LPP: variants seen among roughly 807,000 people sequenced by gnomAD.
LPP encodes LIM domain containing preferred translocation partner in lipoma, also known as lipoma-preferred partner.
A neutral mutation model predicts 60.4 loss-of-function variants in LPP; 38 were observed. The observed-to-expected ratio is 0.63, with a 90% CI of 0.49 to 0.83. The LOEUF (loss-of-function observed/expected upper bound fraction) is 0.83, where lower values mean the gene tolerates loss of function less well. Ranked by LOEUF, LPP falls within the 40% of genes least tolerant of loss-of-function variation. The pLI is 0.00. For missense variants in LPP, 902 were observed against 783.6 expected (o/e 1.15, Z -1.80); for synonymous variants, 328 against 290.8 (o/e 1.13, Z -1.30).
chr3:188,882,929 A>G lies in LPP; in HGVS notation c.*8450A>G, dbSNP rs1578130455. ...AATTTTTTTTGTACTTTTAGTAGAG[A>G]CGGGGTTTCACCGTGGTCTCGATCT... On this transcript the variant is annotated 3_prime_UTR_variant, in exon 12 of 12. Coordinates refer to ENST00000617246, the MANE Select transcript of LPP (RefSeq NM_001375462.1). 1 of 182,596 alleles carries G rather than the reference A, an allele frequency of 5.5e-6. No homozygotes were observed. The highest frequency in any genetic ancestry group is 9.0e-5 in the East Asian group (1 of 11,120). The allele number at this position is 182,596 out of a possible 1,614,324, so 11.3% of individuals were successfully genotyped here. A position where few individuals can be genotyped will look rare whatever the true frequency, so the allele number is the denominator to read the frequency against.
chr3:188,542,322 C>T (rs949242729), intron 6 of LPP, among the ~76,000 whole-genome samples: 28 of 152,204 alleles, frequency 1.8e-4, no homozygotes, highest in African/African-American at 6.3e-4. Context: ...TTTGCATTCT[C>T]ATCCCAGTTG....
At chr3:188,752,074 A>T (rs985704041) in intron 8 of LPP, among the ~76,000 whole-genome samples, 5 of 152,180 alleles carry the variant, frequency 3.3e-5, no homozygotes, top group African/African-American at 1.2e-4. Context: ...TTGAAGTTGA[A>T]CTATATACTT....
At chr3:188,689,899 A>T (rs994451903) in intron 7 of LPP, among the ~76,000 whole-genome samples, 2 of 148,966 alleles carry the variant, frequency 1.3e-5, no homozygotes, top group Non-Finnish European at 3.0e-5. Context: ...ATGATGGTAT[A>T]TCAGGAATTC....
chr3:188,420,212 T>C (rs950762996), intron 4 of LPP, among the ~76,000 whole-genome samples: 2 of 152,182 alleles, frequency 1.3e-5, no homozygotes, highest in East Asian at 3.8e-4. Context: ...AGAATTGGCT[T>C]GGTGTATGTT....
In LPP at chr3:188,802,432, C is replaced by T. The variant is rs544628990; in HGVS notation, c.1410+42150C>T. Among the ~76,000 whole-genome samples the T allele has an allele frequency of 3.9e-5, 6 of 152,220 alleles. No homozygotes were observed. The South Asian group carries it at 1.2e-3, about 32-fold the overall frequency. On this transcript the variant is annotated intron_variant, in intron 9 of 11. Transcript: ENST00000617246. ...TTTCTTTATATATAAAGAACTGAGT[C>T]TCTGAAAAAGGAAAAAGACTTTTAA... is the stretch of plus-strand genomic sequence containing the variant.
chr3:188,282,439 G>T (rs1239617755), intron 2 of LPP, among the ~76,000 whole-genome samples: 3 of 152,178 alleles, frequency 2.0e-5, no homozygotes, highest in Non-Finnish European at 4.4e-5. Flanking sequence ...GTGACAGGAG[G>T]TTGGCTTGTG....
At chr3:188,847,290 C>G (rs1761674499) in intron 9 of LPP, among the ~76,000 whole-genome samples, 1 of 152,098 alleles carries the variant, frequency 6.6e-6, no homozygotes, top group Admixed American at 6.5e-5. Flanking sequence ...ACTGTCAGGA[C>G]TGATGAAAAC....
intron 3 of LPP, among the ~76,000 whole-genome samples, chr3:188,362,817 G>A (rs1028294949): frequency 1.3e-5 from 2 of 152,120 alleles, no homozygotes; most frequent in Non-Finnish European, 2.9e-5. Context: ...TGGAAACCAC[G>A]TTCTGTGGCC....
intron 11 of LPP, among the ~76,000 whole-genome samples, chr3:188,873,994 G>C (rs2152060304): frequency 6.6e-6 from 1 of 152,172 alleles, no homozygotes. Flanking sequence ...AAATGCATCG[G>C]TGGTTAGGGA....
At chr3:188,869,533 C>T (rs1200994297) in intron 10 of LPP, among the ~76,000 whole-genome samples, 1 of 152,192 alleles carries the variant, frequency 6.6e-6, no homozygotes, top group Non-Finnish European at 1.5e-5. Flanking sequence ...TCAGGTGATC[C>T]ACCCGCCTAG....
At chr3:188,447,499 A>G (rs1795506271) in intron 4 of LPP, among the ~76,000 whole-genome samples, 1 of 151,758 alleles carries the variant, frequency 6.6e-6, no homozygotes, top group Non-Finnish European at 1.5e-5. Context: ...AATCCCAACT[A>G]CTCAAGAAGC....
chr3:188,828,160 G>C (rs182153468), intron 9 of LPP, among the ~76,000 whole-genome samples: 2 of 152,040 alleles, frequency 1.3e-5, no homozygotes, highest in African/African-American at 4.8e-5. Context: ...TTCCATTCTA[G>C]TGGGGACACA....
intron 2 of LPP, among the ~76,000 whole-genome samples, chr3:188,229,361 A>G (rs1054094739): frequency 3.9e-5 from 6 of 152,156 alleles, no homozygotes; most frequent in African/African-American, 1.4e-4. Context: ...ATACCGGTTT[A>G]CAATTGCCGA....
chr3:188,831,297 C>T lies in LPP; in HGVS notation c.1411-34903C>T, dbSNP rs113045936. ...AAGACTGAGAGCAGCGTGGTCATACCTAGACATTTATCTGGAGAGCAAAAT... is the reference window on the plus strand; with the variant it reads ...AAGACTGAGAGCAGCGTGGTCATACTTAGACATTTATCTGGAGAGCAAAAT... On this transcript the variant is annotated intron_variant, in intron 9 of 11. Transcript: ENST00000617246. Among the ~76,000 whole-genome samples the T allele has an allele frequency of 3.9e-5, 6 of 152,280 alleles. No homozygotes were observed. The East Asian group carries it at 1.2e-3, about 29-fold the overall frequency.
At chr3:188,781,674 G>A (rs554646845) in intron 9 of LPP, among the ~76,000 whole-genome samples, 1 of 151,748 alleles carries the variant, frequency 6.6e-6, no homozygotes, top group South Asian at 2.1e-4. Context: ...ACGAGGTCAG[G>A]AGATCGAGAT....
intron 1 of LPP, among the ~76,000 whole-genome samples, chr3:188,166,086 A>G (rs16863061): frequency 0.046 from 6,943 of 152,228 alleles, 247 homozygotes; most frequent in African/African-American, 0.099. Context: ...TGACTGACTG[A>G]ACTGTTACCG....
At chr3:188,276,562 G>A (rs192967142) in intron 2 of LPP, among the ~76,000 whole-genome samples, 4 of 152,296 alleles carry the variant, frequency 2.6e-5, no homozygotes, top group Admixed American at 2.0e-4. Context: ...AGTCTGGTGG[G>A]AGGTGTTGGG....
intron 4 of LPP, among the ~76,000 whole-genome samples, chr3:188,483,423 T>C (rs1331770752): frequency 6.6e-6 from 1 of 152,122 alleles, no homozygotes; most frequent in Non-Finnish European, 1.5e-5. Context: ...ACCCACAAAG[T>C]GTTGAGCAAC....
chr3:188,876,544 AT>A lies in LPP; in HGVS notation c.*2067del, dbSNP rs1769275932. Reference sequence around the variant, plus strand: ...GTGTCTCTGAATTCCTGTCTTCCAAATTGAAGCCAGACCATGCTGATGACCT... The same window carrying A: ...GTGTCTCTGAATTCCTGTCTTCCAAATGAAGCCAGACCATGCTGATGACCT... On this transcript the variant is annotated 3_prime_UTR_variant, in exon 12 of 12. Coordinates refer to ENST00000617246, the MANE Select transcript of LPP (RefSeq NM_001375462.1). The A allele has an allele frequency of 9.8e-6, 2 of 204,936 alleles. No individual in the cohort carries two copies. Among genetic ancestry groups the A allele is most frequent in the East Asian group, 1.5e-4 (2 of 13,454 alleles). 12.7% of individuals were successfully genotyped at this position (204,936 alleles called of 1,614,324 possible). A position where few individuals can be genotyped will look rare whatever the true frequency, so the allele number is the denominator to read the frequency against.
Sources: allele counts gnomAD v4.1 joint callset (sites outside exome capture counted in the v4.1 genomes callset), GRCh38; gene constraint gnomAD v4.1.1; transcripts MANE v1.5; gene names NCBI Gene and HGNC (gene_info 2026-07-23, HGNC 2026-07-21).